Variants in GREM2 observed in about 807,000 individuals in gnomAD.
GREM2 encodes gremlin 2, DAN family BMP antagonist.
Under a neutral mutation model 14.2 loss-of-function variants are expected in GREM2, and 11 were observed. The observed-to-expected ratio is 0.78, with a 90% CI of 0.49 to 1.28. GREM2 has a LOEUF of 1.28. Ranked by LOEUF, GREM2 falls within the 50% of genes most tolerant of loss-of-function variation. The pLI is 0.00. For synonymous variants in GREM2, 98 were observed against 97.6 expected, an observed-to-expected ratio of 1.00 and a Z score of -0.02; for missense variants, 210 against 218.5, an observed-to-expected ratio of 0.96 and a Z score of 0.24.
chr1:240,596,366 C>G (rs2102867580), intron 1 of GREM2, among the ~76,000 whole-genome samples: 1 of 152,146 alleles, frequency 6.6e-6, no homozygotes, highest in South Asian at 2.1e-4. Context: ...GACTATGGAC[C>G]AAAGGTCATT....
intron 1 of GREM2, among the ~76,000 whole-genome samples, chr1:240,556,656 A>G (rs752749190): frequency 5.3e-5 from 8 of 152,204 alleles, no homozygotes; most frequent in Non-Finnish European, 1.2e-4. Flanking sequence ...TCCTACGAGA[A>G]AAAAGAAGAC....
intron 1 of GREM2, among the ~76,000 whole-genome samples, chr1:240,500,302 CT>C (rs72003898): frequency 0.27 from 39,267 of 146,308 alleles, 5,353 homozygotes; most frequent in African/African-American, 0.36. Context: ...TGTGGATAAT[CT>C]TTTTTTTTTT....
chr1:240,573,403 G>A (rs1679296780), intron 1 of GREM2, among the ~76,000 whole-genome samples: 1 of 151,986 alleles, frequency 6.6e-6, no homozygotes, highest in African/African-American at 2.4e-5. Context: ...TTCGTATATA[G>A]AACTCTACAC....
At chr1:240,579,596 C>G (rs1330421446) in intron 1 of GREM2, among the ~76,000 whole-genome samples, 1 of 152,168 alleles carries the variant, frequency 6.6e-6, no homozygotes, top group Non-Finnish European at 1.5e-5. Flanking sequence ...GTTTCGTTCA[C>G]TTCTCTCAGG....
At chr1:240,598,258 A>G (rs1679858162) in intron 1 of GREM2, among the ~76,000 whole-genome samples, 1 of 152,190 alleles carries the variant, frequency 6.6e-6, no homozygotes, top group South Asian at 2.1e-4. Context: ...TAGCCAAACT[A>G]TTGTTCTGGT....
intron 1 of GREM2, among the ~76,000 whole-genome samples, chr1:240,598,305 CT>C (rs1679859109): frequency 6.6e-6 from 1 of 152,138 alleles, no homozygotes; most frequent in African/African-American, 2.4e-5. Context: ...GCCTCTCTGC[CT>C]TTGATCTTTT....
chr1:240,601,995 C>A (rs574816561), intron 1 of GREM2, among the ~76,000 whole-genome samples: 1 of 152,252 alleles, frequency 6.6e-6, no homozygotes, highest in East Asian at 1.9e-4. Context: ...CTCTTGCCCC[C>A]CTGCCTACTT....
At chr1:240,501,842 A>G (rs915374797) in intron 1 of GREM2, among the ~76,000 whole-genome samples, 1 of 152,216 alleles carries the variant, frequency 6.6e-6, no homozygotes, top group Admixed American at 6.5e-5. Flanking sequence ...CTGAAATCAC[A>G]TCAAAACCCA....
chr1:240,554,714 A>C (rs1040334609), intron 1 of GREM2, among the ~76,000 whole-genome samples: 2 of 152,236 alleles, frequency 1.3e-5, no homozygotes, highest in Non-Finnish European at 2.9e-5. Flanking sequence ...AATGGTTTTC[A>C]TGTATGCTTA....
chr1:240,492,152 C>T lies in GREM2; in HGVS notation c.*817G>A. On this transcript the variant is annotated 3_prime_UTR_variant, in exon 2 of 2. Coordinates refer to ENST00000318160, the MANE Select transcript of GREM2 (RefSeq NM_022469.4). ...TTAACAGCTCTTTACAATATACGGT[C>T]ACTTATAAAACCAGCGTTAATATAG... The T allele has an allele frequency of 2.5e-6, 1 of 406,256 alleles. No homozygotes were observed. Among genetic ancestry groups the T allele is most frequent in the South Asian group, 1.7e-5 (1 of 57,780 alleles). 25.2% of individuals were successfully genotyped at this position (406,256 alleles called of 1,614,324 possible).
chr1:240,543,436 A>T lies in GREM2; in HGVS notation c.-1-49960T>A, dbSNP rs1420064114. On this transcript the variant is annotated intron_variant, in intron 1 of 1. Coordinates refer to ENST00000318160, the MANE Select transcript of GREM2 (RefSeq NM_022469.4). This position sits in a 1 kb window ranked among gnomAD's most constrained non-coding sequence, Gnocchi z 6.4. The stretch of plus-strand genomic sequence containing the variant: ...TAAGCAGGAGAGTTTGTTCAGGGGA[A>T]CTCCCATATATAAAACCATCAGATC... 2.0e-5 allele frequency among the ~76,000 whole-genome samples: 3 copies of T among 152,086 alleles called. No individual in the cohort carries two copies. Among genetic ancestry groups the T allele is most frequent in the Non-Finnish European group, 4.4e-5 (3 of 68,010 alleles).
At chr1:240,509,446 G>A (rs973721028) in intron 1 of GREM2, among the ~76,000 whole-genome samples, 2 of 145,014 alleles carry the variant, frequency 1.4e-5, no homozygotes, top group Non-Finnish European at 3.0e-5. Context: ...TTGGCTCACT[G>A]CAACCTCTGC....
intron 1 of GREM2, among the ~76,000 whole-genome samples, chr1:240,547,654 C>CAAAG (rs1438987413): frequency 1.3e-5 from 2 of 151,554 alleles, no homozygotes; most frequent in African/African-American, 4.9e-5. Context: ...CAATGCCAGA[C>CAAAG]AAAGAAACCT....
chr1:240,495,842 A>C (rs947822423), intron 1 of GREM2, among the ~76,000 whole-genome samples: 1 of 152,192 alleles, frequency 6.6e-6, no homozygotes, highest in Non-Finnish European at 1.5e-5. Context: ...TCCTTTATTC[A>C]TCAAGTATCC....
intron 1 of GREM2, among the ~76,000 whole-genome samples, chr1:240,594,985 T>G (rs1442846356): frequency 1.3e-5 from 2 of 152,200 alleles, no homozygotes; most frequent in Non-Finnish European, 2.9e-5. Flanking sequence ...TATGGGACCA[T>G]ATCATATATG....
intron 1 of GREM2, among the ~76,000 whole-genome samples, chr1:240,601,384 C>CT (rs564524770): frequency 0.013 from 1,961 of 152,246 alleles, 25 homozygotes; most frequent in Non-Finnish European, 0.02. Flanking sequence ...TACATGGAGT[C>CT]TTATGCCTGT....
At chr1:240,570,985 CAT>C (rs369531697) in intron 1 of GREM2, among the ~76,000 whole-genome samples, 2 of 152,244 alleles carry the variant, frequency 1.3e-5, no homozygotes, top group Non-Finnish European at 2.9e-5. Context: ...TAAATACCTA[CAT>C]ATTGAAATCA....
In GREM2 at chr1:240,571,947, T is replaced by A. The variant is rs959673750; in HGVS notation, c.-2+39937A>T. 4.6e-4 allele frequency among the ~76,000 whole-genome samples: 70 copies of A among 152,178 alleles called. 1 individual carries two copies. Among genetic ancestry groups the A allele is most frequent in the African/African-American group, 1.6e-3 (68 of 41,444 alleles). On this transcript the variant is annotated intron_variant, in intron 1 of 1. Transcript: ENST00000318160. ...CAATTCTCCCATTTCGGAGACATTC[T>A]GACTGCCAGGACCAGCCACCTACGT...
At chr1:240,559,751 G>A (rs950026828) in intron 1 of GREM2, among the ~76,000 whole-genome samples, 14 of 152,126 alleles carry the variant, frequency 9.2e-5, no homozygotes, top group African/African-American at 3.1e-4. Flanking sequence ...TGCAAATACT[G>A]TCAGTTGCGT....
Sources: allele counts gnomAD v4.1 joint callset (sites outside exome capture counted in the v4.1 genomes callset), GRCh38; gene constraint gnomAD v4.1.1; non-coding constraint Gnocchi (gnomAD v3.1); transcripts MANE v1.5; gene names NCBI Gene and HGNC (gene_info 2026-07-23, HGNC 2026-07-21).